FBXL7: variants seen among roughly 807,000 people sequenced by gnomAD.
FBXL7 encodes the protein F-box/LRR-repeat protein 7.
FBXL7 carries 12 observed loss-of-function variants against 38.3 expected under a neutral mutation model. That is an observed-to-expected ratio of 0.31 (90% confidence interval 0.20 to 0.51). FBXL7 has a LOEUF of 0.51. FBXL7 is among the 20% of genes least tolerant of loss of function. The pLI is 0.98. For synonymous variants in FBXL7, 297 were observed against 300.9 expected (o/e 0.99, Z 0.13); for missense variants, 567 against 676.4 (o/e 0.84, Z 1.79).
chr5:15,887,170 G>A (rs1740712099), intron 2 of FBXL7, among the ~76,000 whole-genome samples: 1 of 152,180 alleles, frequency 6.6e-6, no homozygotes, highest in Non-Finnish European at 1.5e-5. Context: ...CCAATTTAAG[G>A]ACTGGACTTG....
chr5:15,507,312 G>A (rs1297456210), intron 1 of FBXL7, among the ~76,000 whole-genome samples: 2 of 152,234 alleles, frequency 1.3e-5, no homozygotes, highest in East Asian at 1.9e-4. Context: ...TAACAATAAC[G>A]TCTTTGGTCT....
At chr5:15,537,390 A>G (rs1200777984) in intron 1 of FBXL7, among the ~76,000 whole-genome samples, 1 of 152,242 alleles carries the variant, frequency 6.6e-6, no homozygotes, top group Non-Finnish European at 1.5e-5. Flanking sequence ...CAGACCAAAT[A>G]CAGAGTTTTT....
intron 2 of FBXL7, among the ~76,000 whole-genome samples, chr5:15,791,101 GCCTTATTGTACTCCACCC>G: frequency 6.6e-6 from 1 of 150,726 alleles, no homozygotes; most frequent in South Asian, 2.1e-4. Context: ...ATGTATCTAA[GCCTTATTGTACTCCACCC>G]TAAATTGGGT....
chr5:15,696,845 C>T (rs192285418), intron 2 of FBXL7, among the ~76,000 whole-genome samples: 9 of 152,314 alleles, frequency 5.9e-5, no homozygotes, highest in Admixed American at 3.3e-4. Context: ...AACACCAATT[C>T]AGTTTAGGGG....
chr5:15,617,241 G>A (rs566088964), intron 2 of FBXL7, among the ~76,000 whole-genome samples: 1 of 152,276 alleles, frequency 6.6e-6, no homozygotes, highest in African/African-American at 2.4e-5. Context: ...CCTTAGCACT[G>A]TTTGATGCGT....
At chr5:15,829,566 A>G (rs1278974919) in intron 2 of FBXL7, among the ~76,000 whole-genome samples, 1 of 152,318 alleles carries the variant, frequency 6.6e-6, no homozygotes, top group East Asian at 1.9e-4. Flanking sequence ...CATTTTTTCT[A>G]ATGTTGGGAG....
In FBXL7 at chr5:15,655,651, G is replaced by A. The variant is rs148651159; in HGVS notation, c.127+39579G>A. On this transcript the variant is annotated intron_variant, in intron 2 of 3. Coordinates refer to ENST00000504595, the MANE Select transcript of FBXL7 (RefSeq NM_012304.5). ...TTAGTTTGCCTGAATGTTTCACAGC[G>A]CCTGAAATAATTCTGTTTATGTGGA... 9.2e-5 allele frequency among the ~76,000 whole-genome samples: 14 copies of A among 152,244 alleles called. No homozygotes were observed. In the East Asian group the frequency reaches 1.5e-3, roughly 17 times the overall value.
rs1736068358 is a variant in FBXL7, at chr5:15,748,421, G to A, written c.127+132349G>A. On this transcript the variant is annotated intron_variant, in intron 2 of 3. Transcript: ENST00000504595. The stretch of plus-strand genomic sequence containing the variant: ...CACCACGTGTCAAGGGTGGGGCCAG[G>A]TGGAGATAATTGAATCATAGGGGTT... Among the ~76,000 whole-genome samples the A allele has an allele frequency of 2.0e-5, 3 of 152,234 alleles. No homozygotes were observed. In the South Asian group the frequency reaches 6.2e-4, roughly 32 times the overall value.
intron 1 of FBXL7, among the ~76,000 whole-genome samples, chr5:15,567,921 T>A (rs1333314686): frequency 6.6e-6 from 1 of 152,166 alleles, no homozygotes; most frequent in Admixed American, 6.5e-5. Flanking sequence ...ACAAAAGACA[T>A]ATACTCATCA....
intron 2 of FBXL7, among the ~76,000 whole-genome samples, chr5:15,818,703 CGTGTGTGTGTGTGTGTGT>C (rs3222099): frequency 8.6e-6 from 1 of 116,768 alleles, no homozygotes; most frequent in Admixed American, 8.4e-5. Context: ...CCCATTATTT[CGTGTGTGTGTGTGTGTGT>C]GTGTGTGTGT....
chr5:15,743,851 C>T (rs1285995686), intron 2 of FBXL7, among the ~76,000 whole-genome samples: 1 of 152,236 alleles, frequency 6.6e-6, no homozygotes, highest in African/African-American at 2.4e-5. Flanking sequence ...CTTCTGTGGA[C>T]CCACAGGCCC....
chr5:15,566,440 A>G (rs1428488240), intron 1 of FBXL7, among the ~76,000 whole-genome samples: 1 of 152,164 alleles, frequency 6.6e-6, no homozygotes, highest in Non-Finnish European at 1.5e-5. Context: ...AATTTTCCCC[A>G]AGGATGTCTG....
At chr5:15,825,715 T>C (rs1488793017) in intron 2 of FBXL7, among the ~76,000 whole-genome samples, 2 of 152,252 alleles carry the variant, frequency 1.3e-5, no homozygotes, top group African/African-American at 4.8e-5. Flanking sequence ...ATCTGTTCCC[T>C]GGATACTATC....
chr5:15,507,580 G>T (rs1487637533), intron 1 of FBXL7, among the ~76,000 whole-genome samples: 1 of 152,100 alleles, frequency 6.6e-6, no homozygotes, highest in African/African-American at 2.4e-5. Flanking sequence ...AACTTTCTAG[G>T]TATTATGCAT....
At chr5:15,892,833 T>G (rs908737166) in intron 2 of FBXL7, among the ~76,000 whole-genome samples, 2 of 152,070 alleles carry the variant, frequency 1.3e-5, no homozygotes, top group African/African-American at 4.8e-5. Context: ...AGATCAAGGC[T>G]TAGGCCGGGC....
intron 2 of FBXL7, among the ~76,000 whole-genome samples, chr5:15,747,033 T>G (rs1261971592): frequency 6.6e-6 from 1 of 152,172 alleles, no homozygotes; most frequent in Non-Finnish European, 1.5e-5. Context: ...TCATGGATCA[T>G]GCTGTTAGTC....
chr5:15,713,976 ACT>A (rs1743961802), intron 2 of FBXL7, among the ~76,000 whole-genome samples: 1 of 152,236 alleles, frequency 6.6e-6, no homozygotes, highest in Non-Finnish European at 1.5e-5. Flanking sequence ...GCCCAAAGTA[ACT>A]CTGTCCTAAT....
chr5:15,575,416 A>G (rs187875437), intron 1 of FBXL7, among the ~76,000 whole-genome samples: 4 of 152,308 alleles, frequency 2.6e-5, no homozygotes, highest in Admixed American at 1.3e-4. Context: ...ATTGAAAATC[A>G]CACAAACAAG....
At position 15,533,687 on chromosome 5, in the gene FBXL7, A is replaced by G. The variant is rs551277855; in HGVS notation, c.37+32974A>G. On this transcript the variant is annotated intron_variant, in intron 1 of 3. Transcript: ENST00000504595. ...CTTTTCCTCCCTGTGCCAGTATTGT[A>G]TAAGATGGGAAGAATTTGGGGTCAA... Among the ~76,000 whole-genome samples the G allele has an allele frequency of 2.6e-5, 4 of 152,296 alleles. No individual in the cohort carries two copies. The South Asian group carries it at 8.3e-4, about 32-fold the overall frequency.
Sources: allele counts gnomAD v4.1 joint callset (sites outside exome capture counted in the v4.1 genomes callset), GRCh38; gene constraint gnomAD v4.1.1; transcripts MANE v1.5; gene names NCBI Gene and HGNC (gene_info 2026-07-23, HGNC 2026-07-21).